CHRDL1: variants seen among roughly 807,000 people sequenced by gnomAD.
The protein encoded by CHRDL1 is chordin like 1.
Under a neutral mutation model 40.9 loss-of-function variants are expected in CHRDL1, and 19 were observed. That is an observed-to-expected ratio of 0.46 (90% confidence interval 0.32 to 0.68). The LOEUF (loss-of-function observed/expected upper bound fraction) is 0.68. Among genes scored for constraint, CHRDL1 ranks in the 30% least tolerant of loss-of-function variants. The pLI, the probability that CHRDL1 is intolerant of heterozygous loss-of-function variation, is 0.03. For synonymous variants in CHRDL1, 136 were observed against 123.4 expected, an observed-to-expected ratio of 1.10 and a Z score of -0.68; for missense variants, 329 against 352.1, an observed-to-expected ratio of 0.93 and a Z score of 0.53.
chrX:110,686,900 AAAAAAAAAAT>A (rs2070033917), intron 9 of CHRDL1, among the ~76,000 whole-genome samples: 1 of 105,311 alleles, frequency 9.5e-6, no homozygotes, highest in Admixed American at 1.0e-4. Context: ...ACAAAAAATA[AAAAAAAAAAT>A]AAAAAGAATG....
At chrX:110,716,472 T>TA (rs1348577468) in intron 6 of CHRDL1, among the ~76,000 whole-genome samples, 2 of 110,717 alleles carry the variant, frequency 1.8e-5, no homozygotes, top group African/African-American at 6.6e-5. Context: ...GCACAAATAA[T>TA]AAAAAACAGA....
At chrX:110,782,074 G>C (rs1172176572) in intron 2 of CHRDL1, among the ~76,000 whole-genome samples, 1 of 112,017 alleles carries the variant, frequency 8.9e-6, no homozygotes, top group African/African-American at 3.2e-5. Context: ...CAAAGGCTAG[G>C]AGGTAGATGA....
chrX:110,689,656 C>CTATATAT (rs1556331677), intron 8 of CHRDL1, among the ~76,000 whole-genome samples: 2 of 10,514 alleles, frequency 1.9e-4, no homozygotes, highest in Non-Finnish European at 1.4e-4. Flanking sequence ...ATCTATATAT[C>CTATATAT]ATCTATATAT....
At chrX:110,715,945 C>T (rs971442050) in intron 6 of CHRDL1, among the ~76,000 whole-genome samples, 2 of 112,384 alleles carry the variant, frequency 1.8e-5, no homozygotes, top group Non-Finnish European at 3.8e-5. Flanking sequence ...GTAGTACAGA[C>T]ATATACACAC....
chrX:110,779,564 A>T (rs1418507990), intron 2 of CHRDL1, among the ~76,000 whole-genome samples: 1 of 111,401 alleles, frequency 9.0e-6, no homozygotes, highest in Non-Finnish European at 1.9e-5. Context: ...CTATTTTTCT[A>T]TTACTTTGCC....
chrX:110,774,624 G>C (rs1313642099), intron 2 of CHRDL1, among the ~76,000 whole-genome samples: 1 of 111,464 alleles, frequency 9.0e-6, no homozygotes, highest in Non-Finnish European at 1.9e-5. Flanking sequence ...ATAGTGTATT[G>C]TAGTCAGAAT....
At chrX:110,769,767 G>C (rs1187307817) in intron 2 of CHRDL1, among the ~76,000 whole-genome samples, 2 of 111,574 alleles carry the variant, frequency 1.8e-5, no homozygotes, top group Admixed American at 1.9e-4. Context: ...CATTAGAACA[G>C]AGCAAGAAAG....
intron 5 of CHRDL1, 37 bp from the exon 6 acceptor site, chrX:110,719,965 T>C (rs749507171): frequency 1.6e-5 from 15 of 961,765 alleles, no homozygotes; most frequent in Non-Finnish European, 2.1e-5. Flanking sequence ...TAGAAGCATC[T>C]AGGATAAGTG....
rs1481350410 is a variant in CHRDL1, at chrX:110,688,638, A to AT, written c.943dup (p.Ile315AsnfsTer12). On this transcript the variant is annotated frameshift_variant, in exon 9 of 12. Coordinates refer to ENST00000372042, the MANE Select transcript of CHRDL1 (RefSeq NM_001143981.2). LOFTEE classifies it high-confidence loss of function. ...ACACACCTTGCAGCATTTTCCGTCTATTTTTTGAGGATACTTGCAGGGGTA... is the reference window on the plus strand; with the variant it reads ...ACACACCTTGCAGCATTTTCCGTCTATTTTTTTGAGGATACTTGCAGGGGTA... The AT allele has an allele frequency of 8.3e-7, 1 of 1,210,456 alleles. No individual in the cohort carries two copies. The highest frequency in any genetic ancestry group is 1.1e-6 in the Non-Finnish European group (1 of 895,006).
At chrX:110,786,677 T>C (rs1355970433) in intron 2 of CHRDL1, among the ~76,000 whole-genome samples, 1 of 112,361 alleles carries the variant, frequency 8.9e-6, no homozygotes, top group Non-Finnish European at 1.9e-5. Context: ...TATGAAGACA[T>C]TCCAATCCTA....
rs1602391040 is a variant in CHRDL1 at position 110,762,743 on chromosome X, G to A, written c.159C>T (p.Tyr53=). The change falls in exon 3 of 12, where the codon TAC becomes TAT. Residue 53 remains tyrosine, a synonymous_variant. Coordinates refer to ENST00000372042, the MANE Select transcript of CHRDL1 (RefSeq NM_001143981.2). ...KYRVGERWHP[Y]LEPYGLVYCV... ...AGTAAACCAACCCATAAGGTTCCAG[G>A]TAAGGATGCCATCTCTCACCCACTC... The A allele has an allele frequency of 1.7e-6, 2 of 1,194,548 alleles. No individual in the cohort carries two copies. The highest frequency in any genetic ancestry group is 2.3e-6 in the Non-Finnish European group (2 of 881,691).
intron 8 of CHRDL1, among the ~76,000 whole-genome samples, chrX:110,689,699 CTATATATCTATATATATATCTA>C (rs1569462059): frequency 1.7e-4 from 5 of 29,609 alleles, no homozygotes; most frequent in East Asian, 4.8e-4. Context: ...ATCTATATAT[CTATATATCTATATATATATCTA>C]TATATATCTA....
chrX:110,682,392 C>T (rs1359866301), intron 9 of CHRDL1, among the ~76,000 whole-genome samples: 1 of 111,971 alleles, frequency 8.9e-6, no homozygotes, highest in Non-Finnish European at 1.9e-5. Context: ...AATTTCAGCT[C>T]GCAGGCATAA....
At chrX:110,783,711 A>G (rs2089977739) in intron 2 of CHRDL1, among the ~76,000 whole-genome samples, 1 of 111,765 alleles carries the variant, frequency 8.9e-6, no homozygotes, top group African/African-American at 3.3e-5. Flanking sequence ...CAAATGTATC[A>G]GCTTGCCCTC....
intron 3 of CHRDL1, 35 bp downstream of exon 3, chrX:110,762,660 C>A: frequency 2.4e-6 from 2 of 843,043 alleles, no homozygotes; most frequent in Non-Finnish European, 3.5e-6. Context: ...TGCTGAGGAG[C>A]AAACTGGGAA....
intron 2 of CHRDL1, among the ~76,000 whole-genome samples, chrX:110,764,729 G>A (rs1356597959): frequency 9.0e-6 from 1 of 111,505 alleles, no homozygotes; most frequent in Non-Finnish European, 1.9e-5. Flanking sequence ...AAGTAGGGAA[G>A]ATATCTCTAA....
At chrX:110,781,437 G>A (rs1256636539) in intron 2 of CHRDL1, among the ~76,000 whole-genome samples, 3 of 111,237 alleles carry the variant, frequency 2.7e-5, no homozygotes, top group African/African-American at 9.8e-5. Context: ...AATCCACATT[G>A]CAGAGTAAGC....
intron 2 of CHRDL1, among the ~76,000 whole-genome samples, chrX:110,781,210 G>GTA (rs1361883424): frequency 3.6e-5 from 4 of 111,506 alleles, no homozygotes; most frequent in Middle Eastern, 9.2e-3. Flanking sequence ...TACAATAAAT[G>GTA]TATAGTCTCA....
chrX:110,686,602 T>C (rs2070021099), intron 9 of CHRDL1, among the ~76,000 whole-genome samples: 1 of 110,965 alleles, frequency 9.0e-6, no homozygotes, highest in African/African-American at 3.3e-5. Flanking sequence ...TGTTGCTGGG[T>C]GGCCCGGATG....
Sources: allele counts gnomAD v4.1 joint callset (sites outside exome capture counted in the v4.1 genomes callset), GRCh38; gene constraint gnomAD v4.1.1; transcripts MANE v1.5; gene names NCBI Gene and HGNC (gene_info 2026-07-23, HGNC 2026-07-21).